The following MCF2L variants were observed in gnomAD, a reference collection of about 807,000 sequenced individuals.
MCF2L encodes the protein guanine nucleotide exchange factor DBS.
A neutral mutation model predicts 153.4 loss-of-function variants in MCF2L; 97 were observed. That is an observed-to-expected ratio of 0.63 (90% CI 0.54 to 0.75). The LOEUF (loss-of-function observed/expected upper bound fraction) is 0.75. MCF2L is among the 30% of genes least tolerant of loss of function. MCF2L has a pLI of 0.00. For missense variants in MCF2L, 1,347 were observed against 1,495.2 expected, an observed-to-expected ratio of 0.90 and a Z score of 1.64; for synonymous variants, 659 against 632.2, an observed-to-expected ratio of 1.04 and a Z score of -0.64.
At chr13:112,968,490 C>T, upstream of MCF2L, 1 of 1,586,264 alleles carries the variant, frequency 6.3e-7, no homozygotes, top group Non-Finnish European at 8.5e-7. Context: ...AGCCCCGTGC[C>T]TGCAGCGCGC....
At chr13:113,091,006 G>C in intron 26 of MCF2L, 1 of 1,261,488 alleles carries the variant, frequency 7.9e-7, no homozygotes, top group Non-Finnish European at 1.0e-6. Flanking sequence ...GGTGGAAAGG[G>C]GCCACAACGT....
At chr13:113,076,965 G>T in intron 12 of MCF2L, 87 bp from the exon 13 acceptor site, 2 of 1,419,660 alleles carry the variant, frequency 1.4e-6, no homozygotes, top group East Asian at 2.3e-5. Flanking sequence ...GGGGTTGGGC[G>T]TGCCCCGGCA....
At chr13:113,091,208 C>T (rs2035177171) in intron 26 of MCF2L, 1 of 1,302,824 alleles carries the variant, frequency 7.7e-7, no homozygotes, top group Admixed American at 2.3e-5. Context: ...AGAGTGGCAC[C>T]CTCGGGCACG....
intron 25 of MCF2L, 91 bp from the exon 26 acceptor site, chr13:113,089,517 CAG>C: frequency 1.2e-6 from 1 of 816,096 alleles, no homozygotes. Context: ...GCCGGGAGCT[CAG>C]AGATATCTGA....
intron 18 of MCF2L, 121 bp from the exon 19 acceptor site, chr13:113,084,771 C>T: frequency 5.2e-6 from 4 of 771,524 alleles, no homozygotes; most frequent in Non-Finnish European, 8.8e-6. Flanking sequence ...CCTCGCAGGG[C>T]CGGGAAGACG....
At chr13:112,995,722 G>A (rs879382034) in intron 1 of MCF2L, among the ~76,000 whole-genome samples, 17 of 152,184 alleles carry the variant, frequency 1.1e-4, no homozygotes, top group Non-Finnish European at 1.9e-4. Flanking sequence ...TCCTTCCACA[G>A]GAACGGGGGA....
At chr13:113,090,528 C>T (rs2035107452) in intron 26 of MCF2L, 3 of 978,402 alleles carry the variant, frequency 3.1e-6, no homozygotes, top group Non-Finnish European at 3.6e-6. Context: ...CGCCTGGTGG[C>T]AGAGGCCGCT....
intron 26 of MCF2L, 111 bp downstream of exon 26, chr13:113,089,839 C>T: frequency 6.2e-7 from 1 of 1,611,666 alleles, no homozygotes; most frequent in Non-Finnish European, 8.5e-7. Flanking sequence ...AGAAGCTTTG[C>T]AGAGCATTCA....
intron 2 of MCF2L, among the ~76,000 whole-genome samples, chr13:112,949,177 C>T (rs946259883): frequency 3.3e-5 from 5 of 152,220 alleles, no homozygotes; most frequent in Non-Finnish European, 7.3e-5. Context: ...TTAAAAAGCA[C>T]AAACTACCAC....
chr13:112,962,313 GCACATA>G (rs1160027999), intron 2 of MCF2L, among the ~76,000 whole-genome samples: 2 of 152,158 alleles, frequency 1.3e-5, no homozygotes, highest in Non-Finnish European at 2.9e-5. Flanking sequence ...TCAGGCACAT[GCACATA>G]CACATACACA....
At chr13:113,088,540 T>C (rs775894888) in intron 24 of MCF2L, 22 bp from the exon 25 acceptor site, 1 of 1,611,698 alleles carries the variant, frequency 6.2e-7, no homozygotes, top group Non-Finnish European at 8.5e-7. Flanking sequence ...GTTCACGTGG[T>C]TTGTCTGCTC....
At chr13:113,090,982 G>C in intron 26 of MCF2L, 1 of 1,230,282 alleles carries the variant, frequency 8.1e-7, no homozygotes, top group South Asian at 1.4e-5. Flanking sequence ...GCTCACAGAA[G>C]CTCCTTTTTC....
Position 113,082,356 on chromosome 13 carries a change from AT to A in MCF2L, c.1876-70del. On this transcript the variant is annotated intron_variant, in intron 16 of 29. Coordinates refer to ENST00000535094, the MANE Select transcript of MCF2L (RefSeq NM_001112732.3). ...TGGCCTGGCCCACAGATGAGCCGGC[AT>A]CCCTGGCCCACCTGCCCCCCCACAG... The A allele has an allele frequency of 4.5e-6, 4 of 882,150 alleles. No homozygotes were observed. In the South Asian group the frequency reaches 5.3e-5, roughly 12 times the overall value. 54.6% of individuals were successfully genotyped at this position (882,150 alleles called of 1,614,324 possible). A position where few individuals can be genotyped will look rare whatever the true frequency, so the allele number is the denominator to read the frequency against.
At chr13:112,931,538 T>C (rs2081463532) in intron 2 of MCF2L, among the ~76,000 whole-genome samples, 1 of 152,068 alleles carries the variant, frequency 6.6e-6, no homozygotes, top group Non-Finnish European at 1.5e-5. Flanking sequence ...GGTGGCGACA[T>C]ACAGAAATAC....
intron 2 of MCF2L, among the ~76,000 whole-genome samples, chr13:112,929,026 T>C (rs1277982968): frequency 6.6e-6 from 1 of 152,224 alleles, no homozygotes; most frequent in African/African-American, 2.4e-5. Flanking sequence ...TCACCTGAGC[T>C]ACTCAGCGTG....
At chr13:112,987,705 C>A (rs1408278982) in intron 1 of MCF2L, among the ~76,000 whole-genome samples, 2 of 152,222 alleles carry the variant, frequency 1.3e-5, no homozygotes, top group Non-Finnish European at 2.9e-5. Context: ...TGGGCTCCCT[C>A]GCCCCCATCC....
chr13:113,086,461 C>G (rs1056611636), intron 21 of MCF2L, among the ~76,000 whole-genome samples: 9 of 152,156 alleles, frequency 5.9e-5, no homozygotes, highest in African/African-American at 1.7e-4. Context: ...CCACTGGGCT[C>G]TCTGGGACGT....
chr13:112,987,722 T>C (rs1357920947), intron 1 of MCF2L, among the ~76,000 whole-genome samples: 2 of 152,230 alleles, frequency 1.3e-5, no homozygotes, highest in African/African-American at 4.8e-5. Flanking sequence ...ATCCGGCCTC[T>C]CATCCCTGTC....
In MCF2L at chr13:113,031,929, C is replaced by T. The variant is rs2085751104; in HGVS notation, c.278+7171C>T. Among the ~76,000 whole-genome samples, 1 of 152,050 alleles carries T rather than the reference C, an allele frequency of 6.6e-6. No homozygotes were observed. Among genetic ancestry groups the T allele is most frequent in the Admixed American group, 6.6e-5 (1 of 15,266 alleles). Reference sequence around the variant, plus strand: ...ACGCAGGCACTCATGCACTTACATACACAGATGTGCATGTGTATAACCACA... The same window carrying T: ...ACGCAGGCACTCATGCACTTACATATACAGATGTGCATGTGTATAACCACA... On this transcript the variant is annotated intron_variant, in intron 3 of 29. Transcript: ENST00000535094. This position sits in a 1 kb window ranked among gnomAD's most constrained non-coding sequence, Gnocchi z 5.5.
Sources: allele counts gnomAD v4.1 joint callset (sites outside exome capture counted in the v4.1 genomes callset), GRCh38; gene constraint gnomAD v4.1.1; non-coding constraint Gnocchi (gnomAD v3.1); transcripts MANE v1.5; gene names NCBI Gene and HGNC (gene_info 2026-07-23, HGNC 2026-07-21).